The following DENND2A variants were observed in gnomAD, a reference collection of about 807,000 sequenced individuals.
DENND2A encodes DENN domain-containing protein 2A.
A neutral mutation model predicts 105.3 loss-of-function variants in DENND2A; 53 were observed. The ratio of observed to expected loss-of-function variants is 0.50; its 90% CI spans 0.40 to 0.63. DENND2A has a LOEUF of 0.63. Ranked by LOEUF, DENND2A falls within the 30% of genes least tolerant of loss-of-function variation. DENND2A has a pLI of 0.00. For synonymous variants in DENND2A, 522 were observed against 508.4 expected (o/e 1.03, Z -0.36); for missense variants, 1,138 against 1,279.6 (o/e 0.89, Z 1.69).
intron 12 of DENND2A, among the ~76,000 whole-genome samples, chr7:140,553,625 C>T (rs908321358): frequency 1.3e-5 from 2 of 152,130 alleles, no homozygotes; most frequent in African/African-American, 4.8e-5. Flanking sequence ...CCTGGCTTTC[C>T]TAGGCAGAGG....
At chr7:140,545,787 T>A (rs1202750498) in intron 13 of DENND2A, among the ~76,000 whole-genome samples, 1 of 152,064 alleles carries the variant, frequency 6.6e-6, no homozygotes, top group Non-Finnish European at 1.5e-5. Flanking sequence ...GAGCAGAGAG[T>A]GGATTTCACT....
intron 5 of DENND2A, among the ~76,000 whole-genome samples, chr7:140,581,796 G>C (rs1798555915): frequency 1.3e-5 from 2 of 152,110 alleles, no homozygotes; most frequent in African/African-American, 4.8e-5. Context: ...AGATACAGCT[G>C]GACGTTAAGT....
chr7:140,618,888 T>C (rs530168828), intron 1 of DENND2A, among the ~76,000 whole-genome samples: 76 of 152,170 alleles, frequency 5.0e-4, no homozygotes, highest in African/African-American at 1.6e-3. Context: ...AAGCTCTGCC[T>C]CCCGGGTTCA....
chr7:140,555,483 T>C (rs1797322357), intron 12 of DENND2A, among the ~76,000 whole-genome samples, 153 bp downstream of exon 12: 1 of 151,900 alleles, frequency 6.6e-6, no homozygotes, highest in Non-Finnish European at 1.5e-5. Context: ...GGTGAGAGAA[T>C]AGAGGGGTGA....
chr7:140,528,941 C>A (rs1796159255), intron 14 of DENND2A, among the ~76,000 whole-genome samples: 1 of 150,972 alleles, frequency 6.6e-6, no homozygotes, highest in African/African-American at 2.4e-5. Flanking sequence ...TCATCTCTAT[C>A]AAAAAATACA....
At chr7:140,534,304 C>G (rs1444162601) in intron 14 of DENND2A, among the ~76,000 whole-genome samples, 2 of 151,618 alleles carry the variant, frequency 1.3e-5, no homozygotes, top group Non-Finnish European at 2.9e-5. Flanking sequence ...TGGCTTATCT[C>G]TAACTCTTGA....
chr7:140,523,923 T>G lies in DENND2A; in HGVS notation c.2548-499A>C, dbSNP rs1311791206. 2.6e-5 allele frequency among the ~76,000 whole-genome samples: 4 copies of G among 152,178 alleles called. No individual in the cohort carries two copies. The highest frequency in any genetic ancestry group is 9.7e-5 in the African/African-American group (4 of 41,440). On this transcript the variant is annotated intron_variant, in intron 16 of 19. Transcript: ENST00000496613. The surrounding 1 kb of genome is among the most constrained non-coding windows in gnomAD (Gnocchi z 4.5). ...AGCCTCGTTTTCCCCACTTGTAAAA[T>G]GGACTACCAATCAATCTGTACCTTG...
At chr7:140,567,358 A>C in intron 8 of DENND2A, 85 bp from the exon 9 acceptor site, 4 of 1,209,584 alleles carry the variant, frequency 3.3e-6, no homozygotes, top group Non-Finnish European at 4.5e-6. Flanking sequence ...GAGTGAGCAA[A>C]GAGCCTGAAA....
intron 1 of DENND2A, among the ~76,000 whole-genome samples, chr7:140,630,939 T>C (rs1443730268): frequency 2.0e-5 from 3 of 152,202 alleles, no homozygotes; most frequent in African/African-American, 7.2e-5. Flanking sequence ...GCCTTATTGT[T>C]AACACTTTAA....
intron 3 of DENND2A, among the ~76,000 whole-genome samples, chr7:140,591,682 TTTC>T (rs1010852040): frequency 2.8e-5 from 4 of 142,524 alleles, no homozygotes; most frequent in Non-Finnish European, 4.5e-5. Flanking sequence ...TCTTTCTTTC[TTTC>T]TTTCTTTCCT....
rs764039930 is a variant in DENND2A, at chr7:140,573,980, C to T, written c.1274G>A (p.Arg425Gln). ...GAAGTTCCTCCTCTCTGAATTTTGT[C>T]GGAAAAAAGCAGGTTTGGACAATGA... The part of the protein sequence containing the change: ...KQSLSKPAFF[R>Q]QNSERRNFKL... The change falls in exon 6 of 20, where the codon CGA (arginine) becomes CAA (glutamine). Residue 425 changes from arginine to glutamine, a missense_variant. By Grantham distance (43) the Arg-to-Gln change is conservative (BLOSUM62 1). Transcript: ENST00000496613. The T allele has an allele frequency of 3.2e-5, 51 of 1,613,610 alleles. No individual in the cohort carries two copies. The Admixed American group carries it at 3.7e-4, about 12-fold the overall frequency.
intron 1 of DENND2A, among the ~76,000 whole-genome samples, chr7:140,630,600 T>A (rs1222456613): frequency 2.0e-5 from 3 of 152,082 alleles, no homozygotes; most frequent in Non-Finnish European, 4.4e-5. Flanking sequence ...ATCCTAGCAC[T>A]TTGGGAAGCC....
In DENND2A at chr7:140,559,867, A is replaced by C; in HGVS notation, c.1780-50T>G. 7.2e-7 allele frequency: 1 copy of C among 1,392,216 alleles called. No individual in the cohort carries two copies. The highest frequency in any genetic ancestry group is 1.0e-6 in the Non-Finnish European group (1 of 982,698). 86.2% of individuals were successfully genotyped at this position (1,392,216 alleles called of 1,614,324 possible). ...ATTCGAGAACAAATCTCAGCATGGGAAATTGAGGCGGATGATGGTAAGGAT... is the reference window on the plus strand; with the variant it reads ...ATTCGAGAACAAATCTCAGCATGGGCAATTGAGGCGGATGATGGTAAGGAT... On this transcript the variant is annotated intron_variant, in intron 9 of 19. Coordinates refer to ENST00000496613, the MANE Select transcript of DENND2A (RefSeq NM_015689.5). This position sits in a 1 kb window ranked among gnomAD's most constrained non-coding sequence, Gnocchi z 4.1.
In DENND2A at chr7:140,553,761, C is replaced by G. The variant is rs549795032; in HGVS notation, c.2037+1875G>C. The stretch of plus-strand genomic sequence containing the variant: ...AAGCACATCTTGCACCGCCCTTAAT[C>G]CATTTAACCCTGAGTGGACACAGCA... On this transcript the variant is annotated intron_variant, in intron 12 of 19. Coordinates refer to ENST00000496613, the MANE Select transcript of DENND2A (RefSeq NM_015689.5). Among the ~76,000 whole-genome samples, 3 of 152,324 alleles carry G rather than the reference C, an allele frequency of 2.0e-5. No homozygotes were observed. In the South Asian group the frequency reaches 6.2e-4, roughly 32 times the overall value.
intron 12 of DENND2A, 30 bp downstream of exon 12, chr7:140,555,606 T>C: frequency 1.2e-6 from 2 of 1,608,434 alleles, no homozygotes; most frequent in African/African-American, 2.7e-5. Context: ...GTTCCTTCCC[T>C]TCCTCTTTCT....
At chr7:140,633,592 G>A (rs1471238191) in intron 1 of DENND2A, among the ~76,000 whole-genome samples, 2 of 152,214 alleles carry the variant, frequency 1.3e-5, no homozygotes, top group Non-Finnish European at 2.9e-5. Flanking sequence ...TGAGAAGTGG[G>A]GAAGTGTGAG....
chr7:140,550,133 GTGGGGTT>G (rs1797065212), intron 12 of DENND2A, among the ~76,000 whole-genome samples: 1 of 44,776 alleles, frequency 2.2e-5, no homozygotes, highest in Non-Finnish European at 8.3e-5. Context: ...GGGGATAGGG[GTGGGGTT>G]AGGGGTGGGG....
At position 140,627,739 on chromosome 7, in the gene DENND2A, C is replaced by CT. The variant is rs113387434; in HGVS notation, c.-248+12764dup. ...ACAGGGTTTTGATTTGTTGTGCGGGCTGGTCTCTAACTCCTGGGCTCATGC... is the reference window on the plus strand; with the variant it reads ...ACAGGGTTTTGATTTGTTGTGCGGGCTTGGTCTCTAACTCCTGGGCTCATGC... On this transcript the variant is annotated intron_variant, in intron 1 of 19. Transcript: ENST00000496613. 2.6e-3 allele frequency among the ~76,000 whole-genome samples: 399 copies of CT among 151,826 alleles called. 2 individuals carry two copies. The highest frequency in any genetic ancestry group is 9.1e-3 in the African/African-American group (375 of 41,360).
chr7:140,636,379 G>A (rs904964655), intron 1 of DENND2A, among the ~76,000 whole-genome samples: 2 of 152,156 alleles, frequency 1.3e-5, no homozygotes, highest in African/African-American at 2.4e-5. Flanking sequence ...AACAGAGGAG[G>A]GCTGGTAAAG....
Sources: gnomAD v4.1 joint callset for allele counts (sites outside exome capture counted in the v4.1 genomes callset) on GRCh38, gnomAD v4.1.1 for gene constraint, Gnocchi (gnomAD v3.1) non-coding constraint, MANE v1.5 for transcripts, NCBI Gene and HGNC (gene_info 2026-07-23, HGNC 2026-07-21) for gene names.